RORA: variants seen among roughly 807,000 people sequenced by gnomAD.
RORA encodes the protein nuclear receptor ROR-alpha.
A neutral mutation model predicts 69.5 loss-of-function variants in RORA; 7 were observed. That is an observed-to-expected ratio of 0.10 (90% CI 0.06 to 0.19). The LOEUF is 0.19. Ranked by LOEUF, RORA falls within the 10% of genes least tolerant of loss-of-function variation. RORA has a pLI of 1.00. For synonymous variants in RORA, 261 were observed against 240.8 expected (o/e 1.08, Z -0.78); for missense variants, 457 against 663.0 (o/e 0.69, Z 3.41).
At chr15:60,923,643 C>T (rs537997950) in intron 1 of RORA, among the ~76,000 whole-genome samples, 8 of 152,282 alleles carry the variant, frequency 5.3e-5, no homozygotes, top group African/African-American at 1.7e-4. Flanking sequence ...TGTTGATCCA[C>T]CTAGTGACTT....
chr15:60,641,203 C>T (rs751141624), intron 2 of RORA, among the ~76,000 whole-genome samples: 2 of 152,204 alleles, frequency 1.3e-5, no homozygotes, highest in East Asian at 1.9e-4. Context: ...TCGTCTGCCT[C>T]AGCCTCCCAA....
At chr15:61,066,360 G>C (rs1420142338) in intron 1 of RORA, among the ~76,000 whole-genome samples, 2 of 149,568 alleles carry the variant, frequency 1.3e-5, no homozygotes, top group Admixed American at 1.3e-4. Context: ...TAGGACCAAA[G>C]TGACAAAGAT....
At chr15:60,982,225 C>T (rs1266077286) in intron 1 of RORA, among the ~76,000 whole-genome samples, 2 of 152,212 alleles carry the variant, frequency 1.3e-5, no homozygotes, top group African/African-American at 4.8e-5. Flanking sequence ...CCTTCACTTC[C>T]TGATTATGCG....
intron 1 of RORA, among the ~76,000 whole-genome samples, chr15:61,075,056 C>A (rs1237868440): frequency 6.7e-6 from 1 of 150,124 alleles, no homozygotes; most frequent in African/African-American, 2.5e-5. Context: ...CACTGCACTC[C>A]AGCCTGGGTG....
chr15:60,712,827 T>C (rs746214794), intron 1 of RORA, among the ~76,000 whole-genome samples: 68 of 152,326 alleles, frequency 4.5e-4, no homozygotes, highest in Middle Eastern at 3.4e-3. Flanking sequence ...CACATTGTTG[T>C]TCAGTTGCTT....
intron 1 of RORA, among the ~76,000 whole-genome samples, chr15:61,094,881 G>A (rs1358620950): frequency 2.6e-5 from 4 of 152,224 alleles, no homozygotes; most frequent in Admixed American, 6.5e-5. Context: ...TCCTCTGCCT[G>A]AGGAAGAATT....
intron 1 of RORA, among the ~76,000 whole-genome samples, chr15:61,030,222 G>T (rs1175701487): frequency 6.6e-6 from 1 of 152,094 alleles, no homozygotes; most frequent in African/African-American, 2.4e-5. Flanking sequence ...AGTACCTTTG[G>T]CTATAAAGGA....
intron 1 of RORA, among the ~76,000 whole-genome samples, chr15:60,952,126 T>C (rs1195646314): frequency 2.0e-5 from 3 of 151,054 alleles, no homozygotes; most frequent in Non-Finnish European, 3.0e-5. Context: ...GGATGCAAGG[T>C]TGGTTCAATA....
chr15:60,697,437 T>G (rs2070921142), intron 1 of RORA, among the ~76,000 whole-genome samples: 1 of 152,188 alleles, frequency 6.6e-6, no homozygotes, highest in South Asian at 2.1e-4. Flanking sequence ...GCCAAAACCC[T>G]AAACACAACC....
intron 2 of RORA, among the ~76,000 whole-genome samples, chr15:60,541,578 A>G (rs1240953552): frequency 3.9e-5 from 6 of 152,196 alleles, no homozygotes; most frequent in Non-Finnish European, 8.8e-5. Context: ...GCTGGTGGCT[A>G]TTTCTTAGTA....
chr15:60,583,689 T>G (rs2068254246), intron 2 of RORA, among the ~76,000 whole-genome samples: 1 of 152,246 alleles, frequency 6.6e-6, no homozygotes, highest in South Asian at 2.1e-4. Context: ...TGCTTCTGCA[T>G]GCTGGTTGAT....
intron 1 of RORA, among the ~76,000 whole-genome samples, chr15:60,992,658 C>T (rs1894416628): frequency 6.7e-6 from 1 of 149,130 alleles, no homozygotes; most frequent in Non-Finnish European, 1.5e-5. Flanking sequence ...ATCCCTTGTC[C>T]CACAGTCAGA....
At chr15:60,739,526 G>A (rs56058810) in intron 1 of RORA, among the ~76,000 whole-genome samples, 47,352 of 151,752 alleles carry the variant, frequency 0.31, 9,591 homozygotes, top group Non-Finnish European at 0.46. Flanking sequence ...AGCCCTGATC[G>A]CACCACTGCA....
chr15:60,915,376 G>A (rs1286231276), intron 1 of RORA, among the ~76,000 whole-genome samples: 2 of 152,232 alleles, frequency 1.3e-5, no homozygotes, highest in East Asian at 3.9e-4. Context: ...TTCTCAGGCA[G>A]CACTGATTCC....
intron 3 of RORA, among the ~76,000 whole-genome samples, chr15:60,516,197 T>A (rs867431514): frequency 9.8e-4 from 13 of 13,210 alleles, no homozygotes; most frequent in South Asian, 5.9e-3. Context: ...ATATATATAT[T>A]TATATATATA....
At chr15:61,190,333 A>G (rs1251004119) in intron 1 of RORA, among the ~76,000 whole-genome samples, 1 of 152,240 alleles carries the variant, frequency 6.6e-6, no homozygotes, top group Admixed American at 6.5e-5. Flanking sequence ...TGATTGTTTT[A>G]CACGGTGCAT....
intron 1 of RORA, among the ~76,000 whole-genome samples, chr15:60,767,026 A>G (rs1436856613): frequency 6.6e-6 from 1 of 152,192 alleles, no homozygotes; most frequent in East Asian, 1.9e-4. Context: ...AAAGACATGT[A>G]CTGTTTTGCC....
intron 1 of RORA, among the ~76,000 whole-genome samples, chr15:60,840,575 A>G (rs2073182684): frequency 6.6e-6 from 1 of 152,204 alleles, no homozygotes; most frequent in Non-Finnish European, 1.5e-5. Context: ...TCCCATTTAG[A>G]AAAGAATCAA....
intron 2 of RORA, among the ~76,000 whole-genome samples, chr15:60,567,717 C>T (rs1295974860): frequency 6.6e-6 from 1 of 152,120 alleles, no homozygotes; most frequent in African/African-American, 2.4e-5. Flanking sequence ...AGCCGATACC[C>T]TCTTTTATTA....
Sources: gnomAD v4.1 joint callset for allele counts (sites outside exome capture counted in the v4.1 genomes callset) on GRCh38, gnomAD v4.1.1 for gene constraint, MANE v1.5 for transcripts, NCBI Gene and HGNC (gene_info 2026-07-23, HGNC 2026-07-21) for gene names.